Variants in SCAPER observed in about 807,000 individuals in gnomAD.
SCAPER encodes S phase cyclin A-associated protein in the endoplasmic reticulum.
Under a neutral mutation model 182.2 loss-of-function variants are expected in SCAPER, and 98 were observed. The observed-to-expected ratio is 0.54, with a 90% CI of 0.46 to 0.64. The LOEUF (loss-of-function observed/expected upper bound fraction) is 0.64. Among genes scored for constraint, SCAPER ranks in the 30% least tolerant of loss-of-function variants. The pLI, the probability that SCAPER is intolerant of heterozygous loss-of-function variation, is 0.00. For missense variants in SCAPER, 1,432 were observed against 1,690.0 expected (o/e 0.85, Z 2.68); for synonymous variants, 605 against 564.6 (o/e 1.07, Z -1.01).
intron 15 of SCAPER, among the ~76,000 whole-genome samples, chr15:76,737,457 C>T (rs929404407): frequency 4.6e-5 from 7 of 152,218 alleles, no homozygotes; most frequent in Non-Finnish European, 8.8e-5. Flanking sequence ...TGTGCTGTCA[C>T]GCCAGCTTTG....
chr15:76,520,368 C>T (rs1054190067), intron 23 of SCAPER, among the ~76,000 whole-genome samples: 1 of 152,122 alleles, frequency 6.6e-6, no homozygotes, highest in Non-Finnish European at 1.5e-5. Flanking sequence ...CAGGCACATG[C>T]CACCACACCT....
At chr15:76,825,382 C>G (rs1382045489) in intron 5 of SCAPER, among the ~76,000 whole-genome samples, 1 of 152,172 alleles carries the variant, frequency 6.6e-6, no homozygotes, top group African/African-American at 2.4e-5. Context: ...TATGATCCTA[C>G]AGCCAGAAGT....
At chr15:76,726,124 A>AATAC (rs1555555705) in intron 17 of SCAPER, among the ~76,000 whole-genome samples, 1 of 15,348 alleles carries the variant, frequency 6.5e-5, no homozygotes, top group Non-Finnish European at 1.8e-4. Flanking sequence ...TAATGTCTAG[A>AATAC]ATATATATAT....
At chr15:76,610,840 A>C (rs1263339143) in intron 22 of SCAPER, among the ~76,000 whole-genome samples, 1 of 152,222 alleles carries the variant, frequency 6.6e-6, no homozygotes, top group Non-Finnish European at 1.5e-5. Context: ...ATTGGCCATA[A>C]TACCCAAAGT....
intron 20 of SCAPER, among the ~76,000 whole-genome samples, chr15:76,674,524 A>C (rs1268955380): frequency 6.6e-6 from 1 of 152,172 alleles, no homozygotes; most frequent in African/African-American, 2.4e-5. Context: ...ATGGAAAATG[A>C]ATGCATACTC....
intron 21 of SCAPER, among the ~76,000 whole-genome samples, chr15:76,625,113 C>T (rs2052447501): frequency 6.6e-6 from 1 of 152,070 alleles, no homozygotes; most frequent in Non-Finnish European, 1.5e-5. Flanking sequence ...GTCCCCAGGC[C>T]CCTGGGCAAC....
chr15:76,626,906 A>T (rs2146188865), intron 21 of SCAPER, among the ~76,000 whole-genome samples: 2 of 152,346 alleles, frequency 1.3e-5, no homozygotes, highest in South Asian at 4.1e-4. Context: ...TGAACGTAGG[A>T]AAAATACAAG....
intron 23 of SCAPER, among the ~76,000 whole-genome samples, chr15:76,569,770 C>G (rs1362250029): frequency 6.6e-6 from 1 of 151,982 alleles, no homozygotes; most frequent in Non-Finnish European, 1.5e-5. Flanking sequence ...TTCTTATGAT[C>G]TATCTTCCAG....
At chr15:76,690,029 T>C (rs554035510) in intron 20 of SCAPER, among the ~76,000 whole-genome samples, 1 of 152,050 alleles carries the variant, frequency 6.6e-6, no homozygotes, top group Admixed American at 6.5e-5. Context: ...AGTCCTCCTC[T>C]GGAAGCTGAA....
At chr15:76,506,968 A>T (rs1261181207) in intron 23 of SCAPER, among the ~76,000 whole-genome samples, 1 of 152,174 alleles carries the variant, frequency 6.6e-6, no homozygotes, top group Non-Finnish European at 1.5e-5. Flanking sequence ...AGAGAAGAGT[A>T]ATTCTATGCT....
intron 23 of SCAPER, among the ~76,000 whole-genome samples, chr15:76,544,586 T>C (rs2144808970): frequency 6.6e-6 from 1 of 152,248 alleles, no homozygotes; most frequent in East Asian, 1.9e-4. Context: ...CGAATAATTT[T>C]ATTCATATAA....
At chr15:76,743,131 T>C (rs2061630819) in intron 15 of SCAPER, among the ~76,000 whole-genome samples, 1 of 152,084 alleles carries the variant, frequency 6.6e-6, no homozygotes, top group Non-Finnish European at 1.5e-5. Context: ...AGCTACTAAG[T>C]GGTGGAGTCA....
intron 23 of SCAPER, among the ~76,000 whole-genome samples, chr15:76,546,445 C>T (rs1382791831): frequency 6.6e-6 from 1 of 152,100 alleles, no homozygotes; most frequent in Non-Finnish European, 1.5e-5. Flanking sequence ...CCACCTTGGC[C>T]TCCCAAAGTG....
intron 22 of SCAPER, among the ~76,000 whole-genome samples, chr15:76,576,337 C>A (rs1348097077): frequency 6.6e-6 from 1 of 152,118 alleles, no homozygotes; most frequent in Non-Finnish European, 1.5e-5. Flanking sequence ...TCAGCCCGGG[C>A]AACAGAGTGA....
intron 5 of SCAPER, among the ~76,000 whole-genome samples, chr15:76,805,915 T>C (rs1338079320): frequency 3.9e-5 from 6 of 152,162 alleles, no homozygotes; most frequent in Non-Finnish European, 8.8e-5. Context: ...CTTTGCCCTT[T>C]TTTACTGAGT....
intron 5 of SCAPER, among the ~76,000 whole-genome samples, chr15:76,814,598 C>T (rs1192382669): frequency 4.6e-5 from 7 of 152,144 alleles, no homozygotes; most frequent in Middle Eastern, 3.4e-3. Flanking sequence ...TTACACCATA[C>T]GCAAAAATAA....
At chr15:76,722,924 T>C (rs2060349475) in intron 17 of SCAPER, among the ~76,000 whole-genome samples, 1 of 152,140 alleles carries the variant, frequency 6.6e-6, no homozygotes, top group Admixed American at 6.6e-5. Flanking sequence ...GTGTCTCTAT[T>C]TCCTTCAGTT....
At chr15:76,727,427 G>A (rs1028765760) in intron 17 of SCAPER, among the ~76,000 whole-genome samples, 16 of 151,960 alleles carry the variant, frequency 1.1e-4, no homozygotes, top group African/African-American at 3.1e-4. Flanking sequence ...AACAGTCCAC[G>A]AGCAGACCCA....
At chr15:76,770,684 T>C (rs1275189807) in intron 10 of SCAPER, among the ~76,000 whole-genome samples, 1 of 152,150 alleles carries the variant, frequency 6.6e-6, no homozygotes, top group Non-Finnish European at 1.5e-5. Flanking sequence ...AGAGTTTTCC[T>C]CTTTTAAAAT....
Sources: gnomAD v4.1 joint callset for allele counts (sites outside exome capture counted in the v4.1 genomes callset) on GRCh38, gnomAD v4.1.1 for gene constraint, MANE v1.5 for transcripts, NCBI Gene and HGNC (gene_info 2026-07-23, HGNC 2026-07-21) for gene names.